Variants in MAML2 observed in about 807,000 individuals in gnomAD.
The protein encoded by MAML2 is mastermind like transcriptional coactivator 2, also known as mastermind-like protein 2.
In MAML2, 22 loss-of-function variants were observed where a neutral mutation model predicts 96.1. The observed-to-expected ratio is 0.23, with a 90% CI of 0.16 to 0.33. The LOEUF (loss-of-function observed/expected upper bound fraction) is 0.33, where lower values mean the gene tolerates loss of function less well. Ranked by LOEUF, MAML2 falls within the 10% of genes least tolerant of loss-of-function variation. The pLI, the probability that MAML2 is intolerant of heterozygous loss-of-function variation, is 1.00. For synonymous variants in MAML2, 561 were observed against 521.3 expected (o/e 1.08, Z -1.04); for missense variants, 1,367 against 1,392.4 (o/e 0.98, Z 0.29).
At chr11:96,145,705 G>T (rs964417075) in intron 1 of MAML2, among the ~76,000 whole-genome samples, 1 of 152,118 alleles carries the variant, frequency 6.6e-6, no homozygotes, top group Non-Finnish European at 1.5e-5. Context: ...ATGTGTGAGG[G>T]CTTTTAAAAA....
chr11:96,272,343 T>C (rs1267220425), intron 1 of MAML2, among the ~76,000 whole-genome samples: 1 of 152,230 alleles, frequency 6.6e-6, no homozygotes, highest in Non-Finnish European at 1.5e-5. Flanking sequence ...GTTACATATA[T>C]TGAAACCTCT....
chr11:96,051,620 G>A (rs1858992301), intron 2 of MAML2, among the ~76,000 whole-genome samples: 1 of 152,082 alleles, frequency 6.6e-6, no homozygotes, highest in Non-Finnish European at 1.5e-5. Context: ...ACTAAATAGA[G>A]GTTCACATCA....
At chr11:96,158,262 C>T (rs1476119287) in intron 1 of MAML2, among the ~76,000 whole-genome samples, 1 of 152,196 alleles carries the variant, frequency 6.6e-6, no homozygotes, top group Admixed American at 6.5e-5. Flanking sequence ...AGTCTGTTGA[C>T]ACGTGTTGGT....
intron 2 of MAML2, among the ~76,000 whole-genome samples, chr11:96,079,735 T>C (rs374731934): frequency 1.7e-4 from 26 of 152,172 alleles, no homozygotes; most frequent in East Asian, 7.7e-4. Context: ...GACCATCAGA[T>C]GAAATGCAAC....
chr11:95,983,587 G>A (rs1012577298), intron 4 of MAML2, among the ~76,000 whole-genome samples: 5 of 152,156 alleles, frequency 3.3e-5, no homozygotes, highest in Non-Finnish European at 5.9e-5. Context: ...AATGATAAAT[G>A]TTTGATGTGA....
chr11:96,337,040 A>C (rs891042322), intron 1 of MAML2, among the ~76,000 whole-genome samples: 3 of 152,220 alleles, frequency 2.0e-5, no homozygotes, highest in Non-Finnish European at 4.4e-5. Flanking sequence ...GTAAAGTATT[A>C]TACTAACTCC....
At chr11:95,981,990 G>A (rs1270708769) in intron 4 of MAML2, among the ~76,000 whole-genome samples, 3 of 152,142 alleles carry the variant, frequency 2.0e-5, no homozygotes, top group East Asian at 1.9e-4. Context: ...ATGTTTAAAA[G>A]CTCCTAACAG....
At chr11:96,265,774 C>A (rs530514319) in intron 1 of MAML2, among the ~76,000 whole-genome samples, 1 of 152,302 alleles carries the variant, frequency 6.6e-6, no homozygotes, top group East Asian at 1.9e-4. Context: ...TTGGCTGGGG[C>A]AGTTGGAGGA....
At chr11:96,219,848 A>T (rs1430973397) in intron 1 of MAML2, among the ~76,000 whole-genome samples, 1 of 151,936 alleles carries the variant, frequency 6.6e-6, no homozygotes, top group Non-Finnish European at 1.5e-5. Flanking sequence ...CTGGTCTCGA[A>T]CTCCTGACCT....
At chr11:96,333,828 T>C (rs1863883350) in intron 1 of MAML2, among the ~76,000 whole-genome samples, 1 of 152,260 alleles carries the variant, frequency 6.6e-6, no homozygotes, top group Non-Finnish European at 1.5e-5. Context: ...TTAATTTCAA[T>C]TAATAATTCA....
At chr11:96,272,648 C>A (rs917793801) in intron 1 of MAML2, among the ~76,000 whole-genome samples, 9 of 152,190 alleles carry the variant, frequency 5.9e-5, no homozygotes, top group African/African-American at 2.2e-4. Flanking sequence ...AGTCAGCAAA[C>A]ACCAGTATTT....
At chr11:96,109,765 G>A (rs1860087691) in intron 1 of MAML2, among the ~76,000 whole-genome samples, 1 of 152,202 alleles carries the variant, frequency 6.6e-6, no homozygotes, top group Non-Finnish European at 1.5e-5. Flanking sequence ...AATGTGAGAT[G>A]TCTGTGGGGC....
intron 1 of MAML2, among the ~76,000 whole-genome samples, chr11:96,223,976 G>A (rs534175835): frequency 6.6e-6 from 1 of 152,192 alleles, no homozygotes; most frequent in South Asian, 2.1e-4. Context: ...GATTTAATAT[G>A]CTCCCATATT....
rs1863493203 is a variant in MAML2 at position 96,308,262 on chromosome 11, G to A, written c.513+33121C>T. Among the ~76,000 whole-genome samples, 2 of 152,008 alleles carry A rather than the reference G, an allele frequency of 1.3e-5. 1 individual carries two copies. The highest frequency in any genetic ancestry group is 4.8e-5 in the African/African-American group (2 of 41,354). On this transcript the variant is annotated intron_variant, in intron 1 of 4. Transcript: ENST00000524717. ...AGTAATTATACCAAGATATTTCAATGCTATCCTAAACCACAAGGAGGAAAA... is the reference window on the plus strand; with the variant it reads ...AGTAATTATACCAAGATATTTCAATACTATCCTAAACCACAAGGAGGAAAA...
At chr11:96,275,990 G>A (rs1229796465) in intron 1 of MAML2, among the ~76,000 whole-genome samples, 1 of 152,122 alleles carries the variant, frequency 6.6e-6, no homozygotes, top group Non-Finnish European at 1.5e-5. Context: ...TGTCTAGCAT[G>A]GTGAGTAGGC....
intron 2 of MAML2, among the ~76,000 whole-genome samples, chr11:95,993,207 G>GAA (rs57752907): frequency 7.7e-5 from 10 of 129,208 alleles, no homozygotes; most frequent in Admixed American, 1.5e-4. Context: ...ACTGTGCCCA[G>GAA]AAAAAAAAAA....
rs1041423963 is a variant in MAML2 at position 96,269,356 on chromosome 11, A to T, written c.513+72027T>A. 6.9e-5 allele frequency among the ~76,000 whole-genome samples: 10 copies of T among 144,908 alleles called. 1 individual carries two copies. The East Asian group carries it at 2.0e-3, about 29-fold the overall frequency. ...CTTCAGCTCTCCATTCAGCCTAAAT[A>T]GCTATTGTATGTTATGTTCCTGAGA... On this transcript the variant is annotated intron_variant, in intron 1 of 4. Transcript: ENST00000524717.
Position 96,093,493 on chromosome 11 carries a change from G to C in MAML2, c.538C>G (p.Gln180Glu). 5 of 1,605,816 alleles carry C rather than the reference G, an allele frequency of 3.1e-6. No homozygotes were observed. Among genetic ancestry groups the C allele is most frequent in the Non-Finnish European group, 4.2e-6 (5 of 1,176,550 alleles). The change falls in exon 2 of 5, where the codon CAG becomes GAG. Residue 180 changes from glutamine (Q) to glutamate (E), a missense_variant. Gln to Glu is a conservative substitution (Grantham distance 29). Coordinates refer to ENST00000524717, the MANE Select transcript of MAML2 (RefSeq NM_032427.4). ...IALQGSLKRK[Q>E]VVNLSPANSK... Reference sequence around the variant, plus strand: ...TTGGCAGGAGATAGGTTAACTACCTGTTTTCTTTTCAAGGAACCCTGGAGC... The same window carrying C: ...TTGGCAGGAGATAGGTTAACTACCTCTTTTCTTTTCAAGGAACCCTGGAGC...
At chr11:96,002,759 G>A (rs543836461) in intron 2 of MAML2, among the ~76,000 whole-genome samples, 21 of 148,968 alleles carry the variant, frequency 1.4e-4, no homozygotes, top group African/African-American at 5.0e-4. Context: ...TGATGAGGAG[G>A]ATGATGAGGA....
Sources: gnomAD v4.1 joint callset for allele counts (sites outside exome capture counted in the v4.1 genomes callset) on GRCh38, gnomAD v4.1.1 for gene constraint, MANE v1.5 for transcripts, NCBI Gene and HGNC (gene_info 2026-07-23, HGNC 2026-07-21) for gene names.